RXRA: variants seen among roughly 807,000 people sequenced by gnomAD.
RXRA encodes retinoid X receptor alpha.
In RXRA, 5 loss-of-function variants were observed where a neutral mutation model predicts 44.5. The ratio of observed to expected loss-of-function variants is 0.11; its 90% CI spans 0.06 to 0.24. The LOEUF (loss-of-function observed/expected upper bound fraction) is 0.24. Ranked by LOEUF, RXRA falls within the 10% of genes least tolerant of loss-of-function variation. The probability of loss-of-function intolerance (pLI) is 1.00; values close to 1 mark genes in which losing one functional copy is unlikely to be tolerated. For synonymous variants in RXRA, 291 were observed against 271.4 expected (o/e 1.07, Z -0.71); for missense variants, 412 against 646.5 (o/e 0.64, Z 3.93).
At chr9:134,394,497 CA>C (rs1419461521) in intron 1 of RXRA, among the ~76,000 whole-genome samples, 1 of 152,102 alleles carries the variant, frequency 6.6e-6, no homozygotes, top group Non-Finnish European at 1.5e-5. Flanking sequence ...TGGAGAAGGT[CA>C]AGGTGTGTGG....
intron 5 of RXRA, among the ~76,000 whole-genome samples, chr9:134,419,093 C>CT (rs1831285344): frequency 6.6e-6 from 1 of 152,184 alleles, no homozygotes; most frequent in African/African-American, 2.4e-5. Context: ...AGGCACCGTT[C>CT]TTTCCGGAGA....
At chr9:134,399,565 T>TCA (rs148100934) in intron 1 of RXRA, among the ~76,000 whole-genome samples, 3,352 of 152,280 alleles carry the variant, frequency 0.022, 61 homozygotes, top group Admixed American at 0.046. Context: ...ATGTGTTTGA[T>TCA]ATCTACATGT....
intron 1 of RXRA, among the ~76,000 whole-genome samples, chr9:134,375,493 C>G (rs1830544696): frequency 6.6e-6 from 1 of 152,310 alleles, no homozygotes; most frequent in South Asian, 2.1e-4. Context: ...GGATTCCAGG[C>G]AGGTCCTGGC....
At chr9:134,328,466 C>T (rs1834950490) in intron 1 of RXRA, among the ~76,000 whole-genome samples, 1 of 152,076 alleles carries the variant, frequency 6.6e-6, no homozygotes, top group African/African-American at 2.4e-5. Flanking sequence ...CTGGGCACTC[C>T]CCTGCCACAA....
At chr9:134,392,095 GC>G (rs1205616926) in intron 1 of RXRA, among the ~76,000 whole-genome samples, 2 of 152,352 alleles carry the variant, frequency 1.3e-5, no homozygotes, top group Non-Finnish European at 2.9e-5. Flanking sequence ...TGCAGGGCAA[GC>G]CCCGGTGTCA....
At chr9:134,384,973 G>C (rs1002230425) in intron 1 of RXRA, among the ~76,000 whole-genome samples, 1 of 152,196 alleles carries the variant, frequency 6.6e-6, no homozygotes, top group Non-Finnish European at 1.5e-5. Context: ...TTGGCGGCCT[G>C]TCCCCAGCAC....
At chr9:134,428,914 G>A (rs1831481693) in intron 6 of RXRA, among the ~76,000 whole-genome samples, 194 bp from the exon 7 acceptor site, 1 of 152,220 alleles carries the variant, frequency 6.6e-6, no homozygotes. Flanking sequence ...GGCCTTTCGT[G>A]TGCCGGTGTG....
chr9:134,434,849 C>T (rs1367955327), intron 9 of RXRA, among the ~76,000 whole-genome samples: 1 of 140,940 alleles, frequency 7.1e-6, no homozygotes. Flanking sequence ...TCTTGATCCT[C>T]AGACTGTGGG....
intron 1 of RXRA, among the ~76,000 whole-genome samples, chr9:134,390,675 G>A (rs929442612): frequency 2.0e-5 from 3 of 152,342 alleles, no homozygotes; most frequent in Admixed American, 6.5e-5. Context: ...CCGCAGCCCT[G>A]GGAGTGGCAG....
intron 6 of RXRA, chr9:134,427,212 G>C (rs1489020285): frequency 1.0e-6 from 1 of 977,742 alleles, no homozygotes; most frequent in African/African-American, 1.8e-5. Context: ...AGAAAATCTG[G>C]CTGGGCAGTG....
intron 1 of RXRA, among the ~76,000 whole-genome samples, chr9:134,346,206 G>T (rs1178090758): frequency 6.6e-6 from 1 of 152,152 alleles, no homozygotes; most frequent in Non-Finnish European, 1.5e-5. Flanking sequence ...TTCCGCTGTG[G>T]TCCTAGGGGT....
chr9:134,367,327 TG>T (rs1304899578), intron 1 of RXRA, among the ~76,000 whole-genome samples: 3 of 151,944 alleles, frequency 2.0e-5, no homozygotes, highest in Non-Finnish European at 2.9e-5. Flanking sequence ...GAGTCTGCGG[TG>T]GGGGGGAGGG....
chr9:134,363,879 C>T (rs1830383180), intron 1 of RXRA, among the ~76,000 whole-genome samples: 1 of 152,202 alleles, frequency 6.6e-6, no homozygotes, highest in Admixed American at 6.5e-5. Context: ...CACCATCTCC[C>T]CCGGGTTTGG....
intron 2 of RXRA, chr9:134,402,476 C>A (rs968325173): frequency 1.3e-5 from 2 of 152,674 alleles, no homozygotes; most frequent in African/African-American, 4.8e-5. Context: ...TTGAGGTTTG[C>A]TCAGTCGCTT....
intron 6 of RXRA, chr9:134,423,577 C>G (rs753084496): frequency 1.3e-5 from 13 of 985,314 alleles, no homozygotes; most frequent in Non-Finnish European, 1.4e-5. Context: ...TGGGCCCCGC[C>G]GGAGGAGCCA....
intron 1 of RXRA, among the ~76,000 whole-genome samples, chr9:134,386,867 TG>T (rs1175962149): frequency 1.3e-5 from 2 of 152,178 alleles, no homozygotes; most frequent in Non-Finnish European, 2.9e-5. Flanking sequence ...TGAGGCTCTA[TG>T]GAGGACCCCT....
intron 1 of RXRA, among the ~76,000 whole-genome samples, chr9:134,395,794 G>A (rs1830868951): frequency 6.6e-6 from 1 of 152,268 alleles, no homozygotes; most frequent in African/African-American, 2.4e-5. Context: ...AACTATTCAG[G>A]AGGGCCAATC....
chr9:134,422,900 C>T (rs972788444), intron 6 of RXRA: 3 of 985,342 alleles, frequency 3.0e-6, no homozygotes, highest in Non-Finnish European at 3.6e-6. Flanking sequence ...GCTCTCTGCC[C>T]TTCTCCTCCC....
intron 1 of RXRA, among the ~76,000 whole-genome samples, chr9:134,400,331 G>A (rs1414592503): frequency 2.0e-5 from 3 of 152,210 alleles, no homozygotes; most frequent in African/African-American, 7.2e-5. Flanking sequence ...AGCCAGGGGT[G>A]TCCCCTGACC....
Sources: gnomAD v4.1 joint callset for allele counts (sites outside exome capture counted in the v4.1 genomes callset) on GRCh38, gnomAD v4.1.1 for gene constraint, MANE v1.5 for transcripts, NCBI Gene and HGNC (gene_info 2026-07-23, HGNC 2026-07-21) for gene names.